PRSS54: variants seen among roughly 807,000 people sequenced by gnomAD.
The protein encoded by PRSS54 is serine protease 54.
In PRSS54, 16 loss-of-function variants were observed where a neutral mutation model predicts 19.9. The ratio of observed to expected loss-of-function variants is 0.80; its 90% CI spans 0.54 to 1.22. PRSS54 has a LOEUF of 1.22. Ranked by LOEUF, PRSS54 falls within the 50% of genes most tolerant of loss-of-function variation. The probability of loss-of-function intolerance (pLI) is 0.00; values close to 1 mark genes in which losing one functional copy is unlikely to be tolerated. For synonymous variants in PRSS54, 177 were observed against 195.8 expected (o/e 0.90, Z 0.80); for missense variants, 444 against 494.8 (o/e 0.90, Z 0.97).
intron 6 of PRSS54, chr16:58,281,316 G>A (rs560652971): frequency 1.9e-5 from 3 of 157,606 alleles, no homozygotes; most frequent in African/African-American, 7.2e-5. Context: ...CTAGATATGG[G>A]ACCCTGGCAA....
intron 4 of PRSS54, among the ~76,000 whole-genome samples, chr16:58,290,234 C>T (rs928100940): frequency 6.6e-6 from 1 of 151,376 alleles, no homozygotes; most frequent in Non-Finnish European, 1.5e-5. Context: ...GATAGTGGGA[C>T]ATTAGGTTTC....
At chr16:58,280,808 G>A in intron 6 of PRSS54, 51 bp from the exon 7 acceptor site, 3 of 1,491,548 alleles carry the variant, frequency 2.0e-6, no homozygotes, top group Non-Finnish European at 2.7e-6. Context: ...AGTTTTTGTT[G>A]TAAATCTATC....
chr16:58,293,212 C>T (rs1235963761), intron 3 of PRSS54, among the ~76,000 whole-genome samples: 3 of 152,100 alleles, frequency 2.0e-5, no homozygotes, highest in African/African-American at 7.2e-5. Context: ...CCTGCTTTAG[C>T]TAGCTGTCTC....
At position 58,294,929 on chromosome 16, in the gene PRSS54, G is replaced by C. The variant is rs567901146; in HGVS notation, c.-274C>G. 69 of 152,894 alleles carry C rather than the reference G, an allele frequency of 4.5e-4. No individual in the cohort carries two copies. The highest frequency in any genetic ancestry group is 1.6e-3 in the African/African-American group (67 of 41,572). 9.5% of individuals were successfully genotyped at this position (152,894 alleles called of 1,614,324 possible). On this transcript the variant is annotated 5_prime_UTR_variant, in exon 1 of 7. Coordinates refer to ENST00000567164, the MANE Select transcript of PRSS54 (RefSeq NM_001305173.2). Reference sequence around the variant, plus strand: ...ACTGGATGCCTCTTGTCCTCAGAATGGTCCTCAGAGTTCGTCCATGAACTG... The same window carrying C: ...ACTGGATGCCTCTTGTCCTCAGAATCGTCCTCAGAGTTCGTCCATGAACTG...
At chr16:58,282,009 ATTT>A (rs36044125) in intron 6 of PRSS54, 4 of 131,128 alleles carry the variant, frequency 3.1e-5, no homozygotes, top group Non-Finnish European at 6.3e-5. Flanking sequence ...TGCCCAGCTA[ATTT>A]TTTTTTTTTT....
chr16:58,285,226 C>G (rs1596901296), intron 5 of PRSS54: 1 of 157,302 alleles, frequency 6.4e-6, no homozygotes, highest in East Asian at 1.9e-4. Flanking sequence ...CAGAGAACAC[C>G]CTTCCTCCTC....
At chr16:58,287,348 G>A (rs1263265360) in intron 4 of PRSS54, among the ~76,000 whole-genome samples, 1 of 152,180 alleles carries the variant, frequency 6.6e-6, no homozygotes. Flanking sequence ...AAAGGTCTTG[G>A]CAGGATGCAG....
At chr16:58,284,130 AT>A (rs5817139) in intron 6 of PRSS54, among the ~76,000 whole-genome samples, 150,323 of 152,030 alleles carry the variant, frequency 0.99, 74,325 homozygotes, top group East Asian at 1. Flanking sequence ...ACTTCTACAC[AT>A]TTTTTTTTGA....
intron 4 of PRSS54, among the ~76,000 whole-genome samples, chr16:58,290,420 G>C (rs1269083502): frequency 6.6e-6 from 1 of 152,044 alleles, no homozygotes; most frequent in Non-Finnish European, 1.5e-5. Flanking sequence ...GATTTTCCCT[G>C]GTTTAAAAGA....
chr16:58,292,208 A>G (rs2142654236), intron 3 of PRSS54, among the ~76,000 whole-genome samples: 1 of 152,250 alleles, frequency 6.6e-6, no homozygotes, highest in East Asian at 1.9e-4. Context: ...GGATTACAGG[A>G]GTGAGCCACC....
chr16:58,284,461 G>C (rs1596899803), intron 6 of PRSS54, 129 bp downstream of exon 6: 1 of 1,019,332 alleles, frequency 9.8e-7, no homozygotes, highest in East Asian at 2.4e-5. Context: ...ATTCACTCCA[G>C]AGACAGCCAC....
chr16:58,290,166 GT>G (rs1965008140), intron 4 of PRSS54, among the ~76,000 whole-genome samples: 4 of 148,446 alleles, frequency 2.7e-5, no homozygotes, highest in African/African-American at 9.8e-5. Flanking sequence ...TATATATTAT[GT>G]ATATATATAT....
chr16:58,286,846 C>T (rs904772765), intron 4 of PRSS54, among the ~76,000 whole-genome samples: 1 of 151,996 alleles, frequency 6.6e-6, no homozygotes, highest in Non-Finnish European at 1.5e-5. Flanking sequence ...CACTGACTGC[C>T]ACAGAGCTCA....
intron 4 of PRSS54, among the ~76,000 whole-genome samples, chr16:58,290,124 A>C (rs1965006679): frequency 1.4e-5 from 2 of 144,218 alleles, no homozygotes; most frequent in South Asian, 4.3e-4. Flanking sequence ...ATTACATATA[A>C]TAAAGTATAT....
rs751587994 is a variant in PRSS54, at chr16:58,280,250, G to A, written c.1162C>T (p.Leu388Phe). The change falls in exon 7 of 7, where the codon CTT (leucine) becomes TTT (phenylalanine). Residue 388 changes from leucine to phenylalanine, a missense_variant. Leu to Phe is a conservative substitution (Grantham distance 22). Transcript: ENST00000567164. The stretch of plus-strand genomic sequence containing the variant: ...TAGATACTGCTGCAAAAGAAAACAA[G>A]CACGAAGGAAACCAAGATGATTTCT... ...PEEIILVSFV[L>F]VFFCSSI The A allele has an allele frequency of 1.9e-6, 3 of 1,612,984 alleles. No individual in the cohort carries two copies. Among genetic ancestry groups the A allele is most frequent in the Non-Finnish European group, 1.7e-6 (2 of 1,179,428 alleles).
chr16:58,288,683 G>A (rs1964971667), intron 4 of PRSS54, among the ~76,000 whole-genome samples: 1 of 152,140 alleles, frequency 6.6e-6, no homozygotes, highest in African/African-American at 2.4e-5. Flanking sequence ...GTGAAATAAT[G>A]CGTGTACAAG....
intron 5 of PRSS54, 97 bp from the exon 6 acceptor site, chr16:58,284,818 T>A (rs1391516715): frequency 1.3e-5 from 1 of 79,630 alleles, no homozygotes; most frequent in Non-Finnish European, 1.7e-5. Context: ...AGAGTGAGAA[T>A]TTTTTTTTTT....
rs1224573132 is a variant in PRSS54 at position 58,280,478 on chromosome 16, A to G, written c.934T>C (p.Tyr312His). Residue 312 changes from tyrosine (Y) to histidine (H), a missense_variant, in exon 7 of 7, where the codon TAC becomes CAC. Tyr to His is a moderately conservative substitution (Grantham distance 83). Coordinates refer to ENST00000567164, the MANE Select transcript of PRSS54 (RefSeq NM_001305173.2). ...SDSELGHVGS[Y>H]LQGQRRTITH... ...ATGGTCCTTCTTTGTCCCTGCAAGT[A>G]TGATCCAACATGGCCCAGTTCAGAA... 5 of 1,614,078 alleles carry G rather than the reference A, an allele frequency of 3.1e-6. No homozygotes were observed. The highest frequency in any genetic ancestry group is 4.2e-6 in the Non-Finnish European group (5 of 1,180,044).
intron 4 of PRSS54, among the ~76,000 whole-genome samples, chr16:58,290,166 G>GTA (rs67730899): frequency 1.5e-4 from 23 of 148,444 alleles, no homozygotes; most frequent in Admixed American, 9.5e-4. Flanking sequence ...TATATATTAT[G>GTA]TATATATATA....
Sources: gnomAD v4.1 joint callset for allele counts (sites outside exome capture counted in the v4.1 genomes callset) on GRCh38, gnomAD v4.1.1 for gene constraint, MANE v1.5 for transcripts, NCBI Gene and HGNC (gene_info 2026-07-23, HGNC 2026-07-21) for gene names.